Variants in TRMT5 observed in about 807,000 individuals in gnomAD.
TRMT5 encodes the protein tRNA (guanine(37)-N(1))-methyltransferase.
A neutral mutation model predicts 42.2 loss-of-function variants in TRMT5; 31 were observed. The observed-to-expected ratio is 0.73, with a 90% CI of 0.55 to 0.99. TRMT5 has a LOEUF of 0.99. Among genes scored for constraint, TRMT5 ranks in the 50% least tolerant of loss-of-function variants. TRMT5 has a pLI of 0.00. For missense variants in TRMT5, 568 were observed against 595.0 expected (o/e 0.95, Z 0.47); for synonymous variants, 198 against 209.6 (o/e 0.94, Z 0.48).
At position 60,972,149 on chromosome 14, in the gene TRMT5, A is replaced by T; in HGVS notation, c.*2960T>A. ...TGTGTGCTAACAACATAGCTTAAAA[A>T]AAGTAAAACAAAATTCTGCATTTTT... On this transcript the variant is annotated 3_prime_UTR_variant, in exon 5 of 5. Coordinates refer to ENST00000261249, the MANE Select transcript of TRMT5 (RefSeq NM_020810.3). 2.5e-6 allele frequency: 1 copy of T among 395,922 alleles called. No homozygotes were observed. The highest frequency in any genetic ancestry group is 2.0e-5 in the South Asian group (1 of 50,738). 24.5% of individuals were successfully genotyped at this position (395,922 alleles called of 1,614,324 possible). A position where few individuals can be genotyped will look rare whatever the true frequency, so the allele number is the denominator to read the frequency against.
In TRMT5 at chr14:60,972,424, CT is replaced by C; in HGVS notation, c.*2684del. 1.9e-6 allele frequency: 1 copy of C among 531,276 alleles called. No individual in the cohort carries two copies. The allele number at this position is 531,276 out of a possible 1,614,324, so 32.9% of individuals were successfully genotyped here. A position where few individuals can be genotyped will look rare whatever the true frequency, so the allele number is the denominator to read the frequency against. The stretch of plus-strand genomic sequence containing the variant: ...CTCTGTGATTCATCCTTCACCTTGG[CT>C]TTATCTCCTTTAGCATCCCCTTCAG... On this transcript the variant is annotated 3_prime_UTR_variant, in exon 5 of 5. Transcript: ENST00000261249.
In TRMT5 at chr14:60,974,538, T is replaced by A. The variant is rs1225436968; in HGVS notation, c.*571A>T. The A allele has an allele frequency of 1.3e-5, 2 of 152,250 alleles. No individual in the cohort carries two copies. Among genetic ancestry groups the A allele is most frequent in the Non-Finnish European group, 2.9e-5 (2 of 68,044 alleles). The allele number at this position is 152,250 out of a possible 1,614,324, so 9.4% of individuals were successfully genotyped here. On this transcript the variant is annotated 3_prime_UTR_variant, in exon 5 of 5. Transcript: ENST00000261249. ...CTTAATTTCATACAATTCTAATTTTTAAAACTGATACATAATAGATGTCAT... is the reference window on the plus strand; with the variant it reads ...CTTAATTTCATACAATTCTAATTTTAAAAACTGATACATAATAGATGTCAT...
At position 60,979,265 on chromosome 14, in the gene TRMT5, A is replaced by T. The variant is rs778785654; in HGVS notation, c.633T>A (p.Leu211=). The T allele has an allele frequency of 6.2e-7, 1 of 1,610,976 alleles. No homozygotes were observed. Among genetic ancestry groups the T allele is most frequent in the East Asian group, 2.2e-5 (1 of 44,838 alleles). Residue 211 remains leucine (L), a synonymous_variant, in exon 2 of 5, where the codon CTT becomes CTA. Transcript: ENST00000261249. ...SRIGHIAHLN[L]RDHQLPFKHL... ...GTTTGAAAGGCAGCTGATGATCTCG[A>T]AGGTTTAGGTGTGCAATATGTCCAA...
chr14:60,977,817 G>A (rs192846891), intron 2 of TRMT5, among the ~76,000 whole-genome samples, 179 bp from the exon 3 acceptor site: 9 of 152,228 alleles, frequency 5.9e-5, no homozygotes, highest in Admixed American at 5.2e-4. Context: ...AATGTCTGAC[G>A]GTTGCTAATA....
At chr14:60,980,275 A>C (rs151128353) in intron 1 of TRMT5, among the ~76,000 whole-genome samples, 288 of 152,292 alleles carry the variant, frequency 1.9e-3, no homozygotes, top group African/African-American at 6.8e-3. Flanking sequence ...ATTTATTAGG[A>C]TAGTCTCATG....
Position 60,975,722 on chromosome 14 carries a change from G to A in TRMT5, c.1197C>T (p.Phe399=). ...PAKAIEFLSA[F]KWLLDGQPCS... ...ATGGCTGCCCATCTAAAAGCCACTT[G>A]AAAGCACTAAGAAACTCTATAGCTT... is the stretch of plus-strand genomic sequence containing the variant. The change falls in exon 4 of 5, where the codon TTC becomes TTT. Residue 399 remains phenylalanine (F), a synonymous_variant. Coordinates refer to ENST00000261249, the MANE Select transcript of TRMT5 (RefSeq NM_020810.3). 6.2e-7 allele frequency: 1 copy of A among 1,614,228 alleles called. No homozygotes were observed. Among genetic ancestry groups the A allele is most frequent in the Non-Finnish European group, 8.5e-7 (1 of 1,180,042 alleles).
chr14:60,977,556 G>T lies in TRMT5; in HGVS notation c.750C>A (p.Phe250Leu). ...GCTCTCCAGATAGCACTTCCATTTG[G>T]AAATTTCGGTACATATTGTCAATAT... is the stretch of plus-strand genomic sequence containing the variant. Reference protein sequence around the residue: ...INNIDNMYRNFQMEVLSGEQN... With the variant: ...INNIDNMYRNLQMEVLSGEQN... The change falls in exon 3 of 5, where the codon TTC (phenylalanine) becomes TTA (leucine). Residue 250 changes from phenylalanine (F) to leucine (L), a missense_variant. Coordinates refer to ENST00000261249, the MANE Select transcript of TRMT5 (RefSeq NM_020810.3). 1 of 1,610,028 alleles carries T rather than the reference G, an allele frequency of 6.2e-7. No individual in the cohort carries two copies. The highest frequency in any genetic ancestry group is 8.5e-7 in the Non-Finnish European group (1 of 1,177,876).
Position 60,972,428 on chromosome 14 carries a change from A to T in TRMT5, c.*2681T>A, listed in dbSNP as rs1389822095. 5.6e-6 allele frequency: 3 copies of T among 531,278 alleles called. No homozygotes were observed. The highest frequency in any genetic ancestry group is 1.1e-5 in the Non-Finnish European group (3 of 263,890). 32.9% of individuals were successfully genotyped at this position (531,278 alleles called of 1,614,324 possible). On this transcript the variant is annotated 3_prime_UTR_variant, in exon 5 of 5. Coordinates refer to ENST00000261249, the MANE Select transcript of TRMT5 (RefSeq NM_020810.3). ...GTGATTCATCCTTCACCTTGGCTTT[A>T]TCTCCTTTAGCATCCCCTTCAGTCT...
Position 60,972,581 on chromosome 14 carries a change from T to C in TRMT5, c.*2528A>G. 2.9e-6 allele frequency: 1 copy of C among 339,114 alleles called. No individual in the cohort carries two copies. Among genetic ancestry groups the C allele is most frequent in the Non-Finnish European group, 5.7e-6 (1 of 175,674 alleles). The allele number at this position is 339,114 out of a possible 1,614,324, so 21.0% of individuals were successfully genotyped here. A position where few individuals can be genotyped will look rare whatever the true frequency, so the allele number is the denominator to read the frequency against. On this transcript the variant is annotated 3_prime_UTR_variant, in exon 5 of 5. Transcript: ENST00000261249. ...TTCTCCTTCACACTGCTCCCACGCTTTTTTAATTGACAAAATTCAAAATAT... is the reference window on the plus strand; with the variant it reads ...TTCTCCTTCACACTGCTCCCACGCTCTTTTAATTGACAAAATTCAAAATAT...
At chr14:60,980,835 G>T in intron 1 of TRMT5, 128 bp downstream of exon 1, 1 of 1,411,126 alleles carries the variant, frequency 7.1e-7, no homozygotes. Context: ...TCGAAACTAA[G>T]CTCAGCACCT....
rs1326373566 is a variant in TRMT5, at chr14:60,981,044, G to T, written c.-71C>A. 2 of 1,609,460 alleles carry T rather than the reference G, an allele frequency of 1.2e-6. No homozygotes were observed. Among genetic ancestry groups the T allele is most frequent in the South Asian group, 1.1e-5 (1 of 91,074 alleles). On this transcript the variant is annotated 5_prime_UTR_variant, in exon 1 of 5. Coordinates refer to ENST00000261249, the MANE Select transcript of TRMT5 (RefSeq NM_020810.3). The stretch of plus-strand genomic sequence containing the variant: ...CTCACCTCCCGCTCCGGTACCGATC[G>T]GATGTGGGTCGCGGGTGGATGGGCG...
chr14:60,981,547 T>C (rs1177644781), upstream of TRMT5: 4 of 1,530,232 alleles, frequency 2.6e-6, 1 homozygote, highest in South Asian at 3.6e-5. Context: ...TCAGATGAGA[T>C]TGGCGCAGTT....
rs201910810 is a variant in TRMT5, at chr14:60,972,466, TGGC to T, written c.*2640_*2642del. The T allele has an allele frequency of 3.0e-3, 1,387 of 459,702 alleles. No individual in the cohort carries two copies. The highest frequency in any genetic ancestry group is 4.1e-3 in the South Asian group (253 of 61,260). The allele number at this position is 459,702 out of a possible 1,614,324, so 28.5% of individuals were successfully genotyped here. On this transcript the variant is annotated 3_prime_UTR_variant, in exon 5 of 5. Transcript: ENST00000261249. ...TCCCCTTCAGTCTTTCTCTTGGGCA[TGGC>T]GGCGGCGGCGGCGGCGGGATGTGGG... is the stretch of plus-strand genomic sequence containing the variant.
rs1423204294 is a variant in TRMT5 at position 60,973,952 on chromosome 14, T to C, written c.*1157A>G. 1.3e-5 allele frequency: 2 copies of C among 152,232 alleles called. No individual in the cohort carries two copies. Among genetic ancestry groups the C allele is most frequent in the Admixed American group, 6.5e-5 (1 of 15,284 alleles). 9.4% of individuals were successfully genotyped at this position (152,232 alleles called of 1,614,324 possible). A position where few individuals can be genotyped will look rare whatever the true frequency, so the allele number is the denominator to read the frequency against. ...TTTGTTATTTCCATTTTAAATTTTCTAATTTTTCTAACAGTTGCTTGCCTG... is the reference window on the plus strand; with the variant it reads ...TTTGTTATTTCCATTTTAAATTTTCCAATTTTTCTAACAGTTGCTTGCCTG... On this transcript the variant is annotated 3_prime_UTR_variant, in exon 5 of 5. Coordinates refer to ENST00000261249, the MANE Select transcript of TRMT5 (RefSeq NM_020810.3).
chr14:60,977,026 T>C (rs1264619356), intron 3 of TRMT5, among the ~76,000 whole-genome samples: 6 of 152,156 alleles, frequency 3.9e-5, no homozygotes, highest in Non-Finnish European at 7.4e-5. Context: ...AATTCCCAAT[T>C]TGTATGTATA....
At chr14:60,980,855 G>C in intron 1 of TRMT5, 108 bp downstream of exon 1, 1 of 1,544,222 alleles carries the variant, frequency 6.5e-7, no homozygotes, top group Non-Finnish European at 8.9e-7. Flanking sequence ...TAGGCGGGTG[G>C]GTGACCTCGC....
Position 60,975,920 on chromosome 14 carries a change from A to C in TRMT5, c.999T>G (p.His333Gln). ...ATTTACAGTTGTACAACAGCCATTT[A>C]TGAGATTCAGGATTGAGATCATTGG... ...VFANDLNPES[H>Q]KWLLYNCKLN... Residue 333 changes from histidine to glutamine, a missense_variant, in exon 4 of 5, where the codon CAT (histidine) becomes CAG (glutamine). His to Gln is a conservative substitution (Grantham distance 24). Transcript: ENST00000261249. 6.2e-7 allele frequency: 1 copy of C among 1,614,160 alleles called. No individual in the cohort carries two copies. The highest frequency in any genetic ancestry group is 8.5e-7 in the Non-Finnish European group (1 of 1,180,032).
upstream of TRMT5, chr14:60,981,469 G>T (rs1035556965): frequency 6.5e-6 from 10 of 1,541,170 alleles, no homozygotes; most frequent in Admixed American, 2.0e-4. Flanking sequence ...AAGGAGGACC[G>T]CACCGGGACA....
rs1276763292 is a variant in TRMT5, at chr14:60,972,567, A to G, written c.*2542T>C. The G allele has an allele frequency of 8.1e-6, 3 of 368,558 alleles. No individual in the cohort carries two copies. Among genetic ancestry groups the G allele is most frequent in the South Asian group, 4.2e-5 (2 of 47,066 alleles). The allele number at this position is 368,558 out of a possible 1,614,324, so 22.8% of individuals were successfully genotyped here. On this transcript the variant is annotated 3_prime_UTR_variant, in exon 5 of 5. Transcript: ENST00000261249. ...GTCGTTCTTGCCTCTTCTCCTTCAC[A>G]CTGCTCCCACGCTTTTTTAATTGAC...
Sources: gnomAD v4.1 joint callset for allele counts (sites outside exome capture counted in the v4.1 genomes callset) on GRCh38, gnomAD v4.1.1 for gene constraint, MANE v1.5 for transcripts, NCBI Gene and HGNC (gene_info 2026-07-23, HGNC 2026-07-21) for gene names.